Variants in PCDH15 observed in about 807,000 individuals in gnomAD.
The protein encoded by PCDH15 is protocadherin related 15, also known as protocadherin-15.
A neutral mutation model predicts 178.5 loss-of-function variants in PCDH15; 129 were observed. That is an observed-to-expected ratio of 0.72 (90% CI 0.63 to 0.84). The LOEUF (loss-of-function observed/expected upper bound fraction) is 0.84. Ranked by LOEUF, PCDH15 falls within the 40% of genes least tolerant of loss-of-function variation. The probability of loss-of-function intolerance (pLI) is 0.00; values close to 1 mark genes in which losing one functional copy is unlikely to be tolerated. For missense variants in PCDH15, 2,230 were observed against 2,099.9 expected (o/e 1.06, Z -1.21); for synonymous variants, 800 against 732.0 (o/e 1.09, Z -1.50).
At chr10:54,314,526 C>CT (rs200920799) in intron 8 of PCDH15, among the ~76,000 whole-genome samples, 1 of 151,892 alleles carries the variant, frequency 6.6e-6, no homozygotes, top group Non-Finnish European at 1.5e-5. Context: ...AAAAATGAAA[C>CT]TTTTTTAAAA....
chr10:54,263,939 C>G (rs1220537490), intron 8 of PCDH15, among the ~76,000 whole-genome samples: 1 of 152,102 alleles, frequency 6.6e-6, no homozygotes, highest in Non-Finnish European at 1.5e-5. Flanking sequence ...CAGGAGAAGA[C>G]AGAAGAGCAG....
intron 2 of PCDH15, among the ~76,000 whole-genome samples, chr10:55,405,439 G>T (rs991137217): frequency 6.6e-6 from 1 of 150,900 alleles, no homozygotes; most frequent in Admixed American, 6.6e-5. Flanking sequence ...CATCTTTTCA[G>T]CCTTTGCCTT....
intron 16 of PCDH15, among the ~76,000 whole-genome samples, chr10:54,089,674 T>C (rs1051858833): frequency 6.6e-6 from 1 of 152,206 alleles, no homozygotes; most frequent in African/African-American, 2.4e-5. Context: ...TAAGTAACCC[T>C]TTGTAGTAAT....
chr10:55,579,810 GT>G (rs947054068), intron 2 of PCDH15, among the ~76,000 whole-genome samples: 75 of 151,658 alleles, frequency 4.9e-4, no homozygotes, highest in Non-Finnish European at 1.9e-4. Flanking sequence ...GGATTTTTTG[GT>G]TTTTTTGTTT....
chr10:54,185,030 T>G, intron 12 of PCDH15, 104 bp downstream of exon 12: 2 of 1,353,128 alleles, frequency 1.5e-6, no homozygotes, highest in Non-Finnish European at 2.1e-6. Context: ...TTCCCCCAAG[T>G]CATTGATTTT....
At chr10:55,601,394 G>A (rs922414834) in intron 2 of PCDH15, among the ~76,000 whole-genome samples, 3 of 152,186 alleles carry the variant, frequency 2.0e-5, no homozygotes, top group African/African-American at 7.2e-5. Flanking sequence ...ATTGAAATGT[G>A]TGAATTTGGT....
chr10:53,993,588 C>T (rs1272298914), intron 21 of PCDH15, among the ~76,000 whole-genome samples: 1 of 151,926 alleles, frequency 6.6e-6, no homozygotes, highest in East Asian at 1.9e-4. Flanking sequence ...ACTTGGCAAG[C>T]CTATCTGAAT....
chr10:55,229,009 G>A (rs1024992626), intron 1 of PCDH15, among the ~76,000 whole-genome samples: 1 of 151,730 alleles, frequency 6.6e-6, no homozygotes, highest in Non-Finnish European at 1.5e-5. Flanking sequence ...GCCCAAATGG[G>A]AATTAAGCAA....
chr10:55,127,787 CT>C, intron 2 of PCDH15, among the ~76,000 whole-genome samples: 1 of 152,134 alleles, frequency 6.6e-6, no homozygotes, highest in East Asian at 1.9e-4. Context: ...TACGTATAAC[CT>C]TGGAGACATT....
Position 53,809,339 on chromosome 10 carries a change from G to A in PCDH15, c.4671+1217C>T, listed in dbSNP as rs1056396947. The stretch of plus-strand genomic sequence containing the variant: ...TTATCTTCTTCCTCAAGGCGTCTCT[G>A]CCACTCTTCACCCTCAAGGTCAACG... On this transcript the variant is annotated intron_variant, in intron 37 of 37. Transcript: ENST00000644397. 6.2e-7 allele frequency: 1 copy of A among 1,613,154 alleles called. No homozygotes were observed. The highest frequency in any genetic ancestry group is 1.6e-4 in the Middle Eastern group (1 of 6,062).
chr10:55,095,116 A>AT (rs926668465), intron 2 of PCDH15, among the ~76,000 whole-genome samples: 3 of 151,374 alleles, frequency 2.0e-5, no homozygotes, highest in African/African-American at 4.8e-5. Context: ...TTTTATAATT[A>AT]TTTTTTGTAG....
intron 15 of PCDH15, among the ~76,000 whole-genome samples, chr10:54,116,745 A>G (rs1193696201): frequency 1.3e-5 from 2 of 152,250 alleles, no homozygotes; most frequent in Non-Finnish European, 2.9e-5. Context: ...ATTATGGATC[A>G]TGATGAGACA....
intron 13 of PCDH15, among the ~76,000 whole-genome samples, chr10:54,157,882 C>G (rs2045321300): frequency 6.6e-6 from 1 of 152,168 alleles, no homozygotes; most frequent in African/African-American, 2.4e-5. Context: ...AGAGCAGGGG[C>G]AAAATGCCAC....
At chr10:54,984,536 G>A (rs1245405201) in intron 2 of PCDH15, among the ~76,000 whole-genome samples, 1 of 152,166 alleles carries the variant, frequency 6.6e-6, no homozygotes, top group African/African-American at 2.4e-5. Context: ...TTGAACTTAA[G>A]CATAAAAGTA....
At chr10:55,260,990 G>A (rs1049174525) in intron 1 of PCDH15, among the ~76,000 whole-genome samples, 1 of 151,642 alleles carries the variant, frequency 6.6e-6, no homozygotes, top group African/African-American at 2.4e-5. Flanking sequence ...TTTTTCTATT[G>A]AATAGTGATG....
At chr10:54,278,048 A>G (rs11591584) in intron 8 of PCDH15, among the ~76,000 whole-genome samples, 75,956 of 151,220 alleles carry the variant, frequency 0.5, 19,944 homozygotes, top group Middle Eastern at 0.61. Context: ...AGACATAAAT[A>G]TGGACATTGA....
intron 2 of PCDH15, among the ~76,000 whole-genome samples, chr10:55,359,040 T>C (rs1420196630): frequency 6.6e-6 from 1 of 151,908 alleles, no homozygotes; most frequent in Non-Finnish European, 1.5e-5. Flanking sequence ...AACAATAATT[T>C]ATAAAAATAT....
intron 1 of PCDH15, among the ~76,000 whole-genome samples, chr10:55,183,101 C>A (rs1839697147): frequency 2.0e-5 from 3 of 151,960 alleles, no homozygotes; most frequent in African/African-American, 7.2e-5. Context: ...TATTATTGTA[C>A]AGAGGAAGCA....
rs547193439 is a variant in PCDH15, at chr10:55,460,787, T to A, written c.-156+166838A>T. 5.9e-5 allele frequency among the ~76,000 whole-genome samples: 9 copies of A among 152,234 alleles called. No individual in the cohort carries two copies. In the South Asian group the frequency reaches 1.9e-3, roughly 32 times the overall value. ...ATCTTGAATTGTATGCCAGACATTG[T>A]ATATTTTATCTCATTCAGTGCTGGA... On this transcript the variant is annotated intron_variant, in intron 2 of 5. Transcript: ENST00000613346.
Sources: allele counts gnomAD v4.1 joint callset (sites outside exome capture counted in the v4.1 genomes callset), GRCh38; gene constraint gnomAD v4.1.1; transcripts MANE v1.5; gene names NCBI Gene and HGNC (gene_info 2026-07-23, HGNC 2026-07-21).